Variants in KAT6B observed in about 807,000 individuals in gnomAD.
KAT6B encodes the protein lysine acetyltransferase 6B.
In KAT6B, 10 loss-of-function variants were observed where a neutral mutation model predicts 187.5. The observed-to-expected ratio is 0.05, with a 90% CI of 0.03 to 0.09. The LOEUF (loss-of-function observed/expected upper bound fraction) is 0.09. Ranked by LOEUF, KAT6B falls within the 10% of genes least tolerant of loss-of-function variation. The pLI is 1.00. For missense variants in KAT6B, 1,952 were observed against 2,558.9 expected (o/e 0.76, Z 5.12); for synonymous variants, 861 against 926.8 (o/e 0.93, Z 1.29).
intron 1 of KAT6B, among the ~76,000 whole-genome samples, chr10:74,837,663 G>T (rs1841403208): frequency 6.6e-6 from 1 of 152,034 alleles, no homozygotes; most frequent in African/African-American, 2.4e-5. Flanking sequence ...AAATGAAATT[G>T]GTTTTCAATC....
At chr10:74,990,081 G>T (rs1011302574) in intron 13 of KAT6B, among the ~76,000 whole-genome samples, 11 of 151,570 alleles carry the variant, frequency 7.3e-5, no homozygotes, top group Non-Finnish European at 1.2e-4. Flanking sequence ...TGTACTCCCA[G>T]CTACTAGGGA....
chr10:74,841,308 T>C (rs1194126939), intron 2 of KAT6B, among the ~76,000 whole-genome samples: 9 of 152,152 alleles, frequency 5.9e-5, no homozygotes, highest in African/African-American at 1.7e-4. Context: ...CACAGTGGCT[T>C]ACACCTATAA....
At chr10:74,938,406 C>G (rs1352678320) in intron 3 of KAT6B, among the ~76,000 whole-genome samples, 1 of 152,030 alleles carries the variant, frequency 6.6e-6, no homozygotes, top group African/African-American at 2.4e-5. Context: ...AGACTACCAG[C>G]AGTATCATGT....
At chr10:74,898,070 A>G (rs1008985788) in intron 3 of KAT6B, among the ~76,000 whole-genome samples, 3 of 152,078 alleles carry the variant, frequency 2.0e-5, no homozygotes, top group Non-Finnish European at 4.4e-5. Flanking sequence ...CAATAAATCT[A>G]TATGTTTCTT....
At chr10:74,838,321 G>T (rs1841471127) in intron 1 of KAT6B, among the ~76,000 whole-genome samples, 1 of 152,096 alleles carries the variant, frequency 6.6e-6, no homozygotes, top group African/African-American at 2.4e-5. Context: ...TCTGATAAAT[G>T]TTATATCTGT....
chr10:74,859,547 C>T (rs141656955), intron 3 of KAT6B, among the ~76,000 whole-genome samples: 2 of 152,206 alleles, frequency 1.3e-5, no homozygotes, highest in African/African-American at 4.8e-5. Context: ...CTTGAGGTAA[C>T]GAGCCTCTAG....
intron 3 of KAT6B, among the ~76,000 whole-genome samples, chr10:74,893,266 C>G (rs1845760283): frequency 6.6e-6 from 1 of 152,204 alleles, no homozygotes; most frequent in Non-Finnish European, 1.5e-5. Flanking sequence ...GCAGACCTTT[C>G]CCTTTCCTCA....
At chr10:74,904,423 C>T (rs1336436544) in intron 3 of KAT6B, among the ~76,000 whole-genome samples, 1 of 152,146 alleles carries the variant, frequency 6.6e-6, no homozygotes, top group Non-Finnish European at 1.5e-5. Flanking sequence ...GCCACATGGC[C>T]CTCTCTACAA....
intron 3 of KAT6B, among the ~76,000 whole-genome samples, chr10:74,850,202 C>T (rs931389589): frequency 6.6e-6 from 1 of 152,128 alleles, no homozygotes; most frequent in Non-Finnish European, 1.5e-5. Flanking sequence ...CCTGTGGTGG[C>T]TTTTTATTAA....
chr10:74,893,458 T>G lies in KAT6B; in HGVS notation c.621+49980T>G, dbSNP rs543609672. On this transcript the variant is annotated intron_variant, in intron 3 of 17. Transcript: ENST00000287239. ...AAAACACTGTCTAGAAATCAGTGGG[T>G]TTTTTTTTTTGTTTTTTGTTTTTTT... is the stretch of plus-strand genomic sequence containing the variant. 2.9e-4 allele frequency among the ~76,000 whole-genome samples: 34 copies of G among 118,900 alleles called. No individual in the cohort carries two copies. The East Asian group carries it at 4.8e-3, about 17-fold the overall frequency. 78.0% of individuals were successfully genotyped at this position (118,900 alleles called of 152,430 possible).
intron 2 of KAT6B, among the ~76,000 whole-genome samples, chr10:74,839,734 T>C (rs1452888857): frequency 6.6e-6 from 1 of 152,244 alleles, no homozygotes; most frequent in African/African-American, 2.4e-5. Flanking sequence ...TATCTTCTAA[T>C]GAAATTTTGC....
chr10:74,945,737 A>G (rs1194147996), intron 3 of KAT6B, among the ~76,000 whole-genome samples: 3 of 152,146 alleles, frequency 2.0e-5, no homozygotes, highest in Non-Finnish European at 4.4e-5. Flanking sequence ...GGCATGAGCC[A>G]CTGTGCCCGC....
chr10:74,953,488 C>A (rs967325958), intron 3 of KAT6B, among the ~76,000 whole-genome samples: 1 of 152,124 alleles, frequency 6.6e-6, no homozygotes, highest in Admixed American at 6.6e-5. Context: ...GATGAGGAAA[C>A]CTGAGGCTTA....
At chr10:74,920,504 G>A (rs762433187) in intron 3 of KAT6B, among the ~76,000 whole-genome samples, 1 of 152,062 alleles carries the variant, frequency 6.6e-6, no homozygotes, top group African/African-American at 2.4e-5. Flanking sequence ...TACCTATTCT[G>A]TCCTCATTAG....
intron 11 of KAT6B, chr10:74,983,305 CA>C: frequency 1.3e-5 from 2 of 153,056 alleles, no homozygotes; most frequent in Admixed American, 6.5e-5. Flanking sequence ...TTGTGCCAAC[CA>C]AAAATGTCTC....
At chr10:74,918,299 T>G (rs1847855001) in intron 3 of KAT6B, among the ~76,000 whole-genome samples, 1 of 152,272 alleles carries the variant, frequency 6.6e-6, no homozygotes, top group Non-Finnish European at 1.5e-5. Context: ...GCTCTTGTTC[T>G]AATATATTCT....
intron 3 of KAT6B, among the ~76,000 whole-genome samples, chr10:74,891,310 T>C (rs1462219588): frequency 6.6e-6 from 1 of 152,262 alleles, no homozygotes; most frequent in African/African-American, 2.4e-5. Context: ...GTTTTGGCTC[T>C]GCACATGCCT....
rs1035834857 is a variant in KAT6B at position 74,916,804 on chromosome 10, A to G, written c.622-43166A>G. Reference sequence around the variant, plus strand: ...TACCTTATATATCTGGGAACTTTGTATAAAAACTAAACACTGGCCTGGCAC... The same window carrying G: ...TACCTTATATATCTGGGAACTTTGTGTAAAAACTAAACACTGGCCTGGCAC... On this transcript the variant is annotated intron_variant, in intron 3 of 17. Coordinates refer to ENST00000287239, the MANE Select transcript of KAT6B (RefSeq NM_012330.4). 1.3e-5 allele frequency among the ~76,000 whole-genome samples: 2 copies of G among 152,190 alleles called. 1 individual carries two copies. Among genetic ancestry groups the G allele is most frequent in the African/African-American group, 4.8e-5 (2 of 41,448 alleles).
At chr10:74,849,008 G>A (rs1842297625) in intron 3 of KAT6B, among the ~76,000 whole-genome samples, 1 of 152,038 alleles carries the variant, frequency 6.6e-6, no homozygotes, top group South Asian at 2.1e-4. Flanking sequence ...TTGAGACAGA[G>A]TGTCACTGTG....
Sources: allele counts gnomAD v4.1 joint callset (sites outside exome capture counted in the v4.1 genomes callset), GRCh38; gene constraint gnomAD v4.1.1; transcripts MANE v1.5; gene names NCBI Gene and HGNC (gene_info 2026-07-23, HGNC 2026-07-21).